The following DOCK9 variants were observed in gnomAD, a reference collection of about 807,000 sequenced individuals.
The protein encoded by DOCK9 is dedicator of cytokinesis 9.
In DOCK9, 89 loss-of-function variants were observed where a neutral mutation model predicts 263.3. That is an observed-to-expected ratio of 0.34 (90% CI 0.28 to 0.40). The LOEUF is 0.40. Among genes scored for constraint, DOCK9 ranks in the 10% least tolerant of loss-of-function variants. DOCK9 has a pLI of 1.00. For missense variants in DOCK9, 2,140 were observed against 2,603.4 expected (o/e 0.82, Z 3.87); for synonymous variants, 976 against 973.1 (o/e 1.00, Z -0.06).
intron 47 of DOCK9, 67 bp from the exon 48 acceptor site, chr13:98,807,874 T>C (rs946981839): frequency 4.8e-5 from 64 of 1,321,788 alleles, no homozygotes; most frequent in Non-Finnish European, 6.3e-5. Context: ...CTAGGAAGCG[T>C]TCTTTTATTA....
intron 1 of DOCK9, among the ~76,000 whole-genome samples, chr13:98,960,236 T>A (rs1026036749): frequency 2.6e-5 from 4 of 152,194 alleles, no homozygotes; most frequent in Non-Finnish European, 4.4e-5. Context: ...ACCCAAATTC[T>A]GGTTGTTGGT....
At chr13:98,847,090 G>A (rs1389160688) in intron 37 of DOCK9, 3 of 156,782 alleles carry the variant, frequency 1.9e-5, no homozygotes, top group South Asian at 1.9e-4. Context: ...AAAAAAATAC[G>A]TTAACCATTT....
chr13:99,087,082 A>C (rs927966661), upstream of DOCK9, among the ~76,000 whole-genome samples: 2 of 151,888 alleles, frequency 1.3e-5, no homozygotes, highest in Non-Finnish European at 2.9e-5. Context: ...GCGGGGACAG[A>C]GGTCTCAGGA....
chr13:99,060,472 A>C (rs72645629), intron 1 of DOCK9, among the ~76,000 whole-genome samples: 1 of 152,220 alleles, frequency 6.6e-6, no homozygotes, highest in African/African-American at 2.4e-5. Context: ...TTTTGGATAT[A>C]TAACTAGGAG....
At chr13:98,882,929 G>A (rs1348452896) in intron 23 of DOCK9, 113 bp downstream of exon 23, 4 of 811,404 alleles carry the variant, frequency 4.9e-6, no homozygotes, top group East Asian at 5.3e-5. Flanking sequence ...CTACTGATGT[G>A]AGACATCCAG....
rs551459818 is a variant in DOCK9, at chr13:98,878,497, A to AT, written c.2943+1400dup. Among the ~76,000 whole-genome samples, 178 of 151,330 alleles carry AT rather than the reference A, an allele frequency of 1.2e-3. 2 individuals carry two copies. Among genetic ancestry groups the AT allele is most frequent in the African/African-American group, 3.9e-3 (162 of 41,314 alleles). ...AGCTCCCACATATCAGTAAGACAAC[A>AT]TTTTTTTTTACAGAAAAGTAATATA... On this transcript the variant is annotated intron_variant, in intron 27 of 52. Coordinates refer to ENST00000682017, the MANE Select transcript of DOCK9 (RefSeq NM_001366683.2).
chr13:98,863,180 C>T (rs200653592), intron 31 of DOCK9, 48 bp from the exon 32 acceptor site: 44 of 1,545,200 alleles, frequency 2.8e-5, no homozygotes, highest in South Asian at 3.5e-5. Context: ...TTCTGAGAAC[C>T]GAACTAAGTT....
At chr13:98,986,566 C>T (rs190214087) in intron 1 of DOCK9, among the ~76,000 whole-genome samples, 117 of 152,300 alleles carry the variant, frequency 7.7e-4, no homozygotes, top group Non-Finnish European at 1.5e-4. Flanking sequence ...CTGGAAGTCC[C>T]CTCTTCTAAA....
At chr13:98,991,811 C>G (rs11616864) in intron 1 of DOCK9, among the ~76,000 whole-genome samples, 1 of 151,932 alleles carries the variant, frequency 6.6e-6, no homozygotes, top group South Asian at 2.1e-4. Context: ...GCTGAAACTA[C>G]GTCACTAGGT....
At chr13:98,892,511 C>G (rs934475959) in intron 15 of DOCK9, among the ~76,000 whole-genome samples, 2 of 151,984 alleles carry the variant, frequency 1.3e-5, no homozygotes, top group African/African-American at 4.8e-5. Flanking sequence ...AAAAAAACAA[C>G]TATATATGAT....
At chr13:99,012,212 T>C (rs7997352) in intron 1 of DOCK9, among the ~76,000 whole-genome samples, 79,392 of 151,962 alleles carry the variant, frequency 0.52, 21,031 homozygotes, top group South Asian at 0.68. Flanking sequence ...GTAGATTCCA[T>C]TTTCTTAAGT....
chr13:98,800,247 G>T (rs1295419955), intron 50 of DOCK9, 41 bp downstream of exon 50: 34 of 1,534,514 alleles, frequency 2.2e-5, no homozygotes, highest in African/African-American at 2.7e-5. Context: ...CAGGGGCAAG[G>T]ACGTCCCCTG....
chr13:98,893,395 G>A (rs1298796016), intron 15 of DOCK9, among the ~76,000 whole-genome samples: 5 of 152,074 alleles, frequency 3.3e-5, no homozygotes, highest in Admixed American at 6.5e-5. Context: ...GCAGAAGTTG[G>A]AAAAGATGAG....
chr13:98,800,214 G>A (rs2089950269), intron 50 of DOCK9, 74 bp downstream of exon 50: 6 of 1,457,256 alleles, frequency 4.1e-6, no homozygotes, highest in Middle Eastern at 4.5e-4. Context: ...GACCTTGTTA[G>A]TGGAAACGAC....
rs146373817 is a variant in DOCK9, at chr13:99,073,370, CCTCT to C, written c.129+12849_129+12852del. ...TCTCTTCTTCTTCTTTTCTCTCTCTCCTCTCTCTCTCTCTCCTCTCTCTCTCTCT... is the reference window on the plus strand; with the variant it reads ...TCTCTTCTTCTTCTTTTCTCTCTCTCCTCTCTCTCTCCTCTCTCTCTCTCT... On this transcript the variant is annotated intron_variant, in intron 1 of 32. Transcript: ENST00000427887. 1.9e-4 allele frequency among the ~76,000 whole-genome samples: 29 copies of C among 149,908 alleles called. No homozygotes were observed. The East Asian group carries it at 2.2e-3, about 11-fold the overall frequency.
At chr13:98,887,396 C>T (rs2045930793) in intron 18 of DOCK9, among the ~76,000 whole-genome samples, 1 of 150,736 alleles carries the variant, frequency 6.6e-6, no homozygotes, top group Admixed American at 6.6e-5. Context: ...GTGGGCAGAT[C>T]ACACGGTCAG....
At chr13:98,884,342 C>T (rs1324626389) in intron 21 of DOCK9, among the ~76,000 whole-genome samples, 1 of 152,230 alleles carries the variant, frequency 6.6e-6, no homozygotes, top group Admixed American at 6.5e-5. Flanking sequence ...CTCTGTCATG[C>T]TCAATTATAC....
At chr13:99,015,439 G>A in intron 1 of DOCK9, 1 of 1,579,848 alleles carries the variant, frequency 6.3e-7, no homozygotes, top group Non-Finnish European at 8.5e-7. Flanking sequence ...AAGCAAGATA[G>A]CATTTACCAG....
rs201567092 is a variant in DOCK9 at position 98,902,316 on chromosome 13, T to C, written c.1352A>G (p.His451Arg). Residue 451 changes from histidine (H) to arginine (R), a missense_variant, in exon 12 of 53, where the codon CAT becomes CGT. Transcript: ENST00000682017. The part of the protein sequence containing the change: ...QSPSVLKGIL[H>R]EAAMQYPKQG... ...CTTCGGATACTGCATGGCGGCTTCA[T>C]GAAGGATGCCCTTGAGGACAGATGG... The C allele has an allele frequency of 3.2e-5, 51 of 1,613,992 alleles. 1 individual carries two copies. In the Middle Eastern group the frequency reaches 5.0e-4, roughly 16 times the overall value.
Sources: gnomAD v4.1 joint callset for allele counts (sites outside exome capture counted in the v4.1 genomes callset) on GRCh38, gnomAD v4.1.1 for gene constraint, MANE v1.5 for transcripts, NCBI Gene and HGNC (gene_info 2026-07-23, HGNC 2026-07-21) for gene names.